Variants in ISX observed in about 807,000 individuals in gnomAD.
ISX encodes the protein intestine-specific homeobox.
ISX carries 15 observed loss-of-function variants against 16.9 expected under a neutral mutation model. That is an observed-to-expected ratio of 0.89 (90% CI 0.59 to 1.36). The LOEUF is 1.36. ISX is among the 40% of genes most tolerant of loss of function. The probability of loss-of-function intolerance (pLI) is 0.00; values close to 1 mark genes in which losing one functional copy is unlikely to be tolerated. For missense variants in ISX, 316 were observed against 306.1 expected, an observed-to-expected ratio of 1.03 and a Z score of -0.24; for synonymous variants, 125 against 119.7, an observed-to-expected ratio of 1.04 and a Z score of -0.29.
At chr22:35,069,975 TG>T (rs1928807069) in intron 2 of ISX, among the ~76,000 whole-genome samples, 6 of 152,196 alleles carry the variant, frequency 3.9e-5, no homozygotes, top group Admixed American at 3.9e-4. Flanking sequence ...CCCAGGAATC[TG>T]CATTCTAACA....
chr22:35,083,406 C>T (rs1173982053), intron 3 of ISX, among the ~76,000 whole-genome samples: 2 of 152,208 alleles, frequency 1.3e-5, no homozygotes, highest in Non-Finnish European at 2.9e-5. Context: ...TAAGCACCAA[C>T]AGGCTAATCT....
At chr22:35,082,135 C>T (rs183003192) in intron 2 of ISX, among the ~76,000 whole-genome samples, 13 of 152,366 alleles carry the variant, frequency 8.5e-5, no homozygotes, top group African/African-American at 2.6e-4. Context: ...AGAGACAATA[C>T]GTAAACCAAA....
intron 4 of ISX, 23 bp downstream of exon 4, chr22:35,084,522 T>G (rs766679394): frequency 6.7e-7 from 1 of 1,500,640 alleles, no homozygotes; most frequent in Non-Finnish European, 9.2e-7. Flanking sequence ...GGCCTCAAGG[T>G]AGGGTGGAGG....
At chr22:35,081,439 A>G (rs923290468) in intron 2 of ISX, among the ~76,000 whole-genome samples, 1 of 152,186 alleles carries the variant, frequency 6.6e-6, no homozygotes, top group East Asian at 1.9e-4. Flanking sequence ...CACCATCTTG[A>G]AATCTTAGTA....
chr22:35,077,304 T>G (rs1929008654), intron 2 of ISX, among the ~76,000 whole-genome samples: 1 of 152,196 alleles, frequency 6.6e-6, no homozygotes, highest in Non-Finnish European at 1.5e-5. Context: ...TTCTCCCACC[T>G]TGTTCCCTTA....
chr22:35,079,372 G>A (rs1929067175), intron 2 of ISX, among the ~76,000 whole-genome samples: 1 of 152,110 alleles, frequency 6.6e-6, no homozygotes, highest in East Asian at 1.9e-4. Flanking sequence ...CGAATCCTGT[G>A]GAAGTCTTTT....
At chr22:35,074,741 G>A (rs1284534211) in intron 2 of ISX, among the ~76,000 whole-genome samples, 5 of 152,184 alleles carry the variant, frequency 3.3e-5, no homozygotes, top group Non-Finnish European at 7.3e-5. Context: ...CAAGTTCTAG[G>A]ACACTTCCTG....
intron 1 of ISX, 136 bp from the exon 2 acceptor site, chr22:35,066,616 A>C (rs1323687647): frequency 6.2e-6 from 1 of 162,408 alleles, no homozygotes; most frequent in Non-Finnish European, 1.4e-5. Context: ...CTAGAGCCAC[A>C]GGAAAGGGCC....
Position 35,085,664 on chromosome 22 carries a change from T to C in ISX, c.709T>C (p.Trp237Arg). ...LCILPPPHPK[W>R]GSICATST Reference sequence around the variant, plus strand: ...CATCCTTCCACCTCCACACCCCAAATGGGGCAGCATCTGTGCTACTTCAAC... The same window carrying C: ...CATCCTTCCACCTCCACACCCCAAACGGGGCAGCATCTGTGCTACTTCAAC... Residue 237 changes from tryptophan (W) to arginine (R), a missense_variant, in exon 5 of 5, where the codon TGG (tryptophan) becomes CGG (arginine). Coordinates refer to ENST00000404699, the MANE Select transcript of ISX (RefSeq NM_001303508.2). 6.2e-7 allele frequency: 1 copy of C among 1,614,174 alleles called. No homozygotes were observed. Among genetic ancestry groups the C allele is most frequent in the South Asian group, 1.1e-5 (1 of 91,080 alleles).
At position 35,084,386 on chromosome 22, in the gene ISX, T is replaced by C; in HGVS notation, c.385T>C (p.Trp129Arg). 2 of 1,612,290 alleles carry C rather than the reference T, an allele frequency of 1.2e-6. No individual in the cohort carries two copies. The highest frequency in any genetic ancestry group is 4.5e-5 in the East Asian group (2 of 44,862). ...CGTCCTTTCTCCCTGATTACAGATC[T>C]GGTTCCAGAATCAGCGAGCCAAGTG... is the stretch of plus-strand genomic sequence containing the variant. The part of the protein sequence containing the change: ...INLPEARVQI[W>R]FQNQRAKWRK... Residue 129 changes from tryptophan (W) to arginine (R), a missense_variant, in exon 4 of 5, where the codon TGG (tryptophan) becomes CGG (arginine). By Grantham distance (101) the Trp-to-Arg change is moderately radical. Transcript: ENST00000404699.
intron 2 of ISX, among the ~76,000 whole-genome samples, chr22:35,068,499 C>G (rs1261300942): frequency 6.6e-6 from 1 of 152,200 alleles, no homozygotes; most frequent in African/African-American, 2.4e-5. Context: ...TTTGGAAGTT[C>G]ATTAATATCT....
At chr22:35,068,152 G>A (rs970307040) in intron 2 of ISX, among the ~76,000 whole-genome samples, 1 of 152,244 alleles carries the variant, frequency 6.6e-6, no homozygotes, top group Non-Finnish European at 1.5e-5. Flanking sequence ...AAGAAATGGT[G>A]AAGCTGGCGA....
At chr22:35,082,170 C>T (rs1231671266) in intron 2 of ISX, among the ~76,000 whole-genome samples, 2 of 152,270 alleles carry the variant, frequency 1.3e-5, no homozygotes, top group African/African-American at 4.8e-5. Context: ...TCTAATAAAA[C>T]TTTATTTAAA....
intron 2 of ISX, among the ~76,000 whole-genome samples, chr22:35,081,067 G>T (rs943264511): frequency 4.6e-5 from 7 of 152,228 alleles, no homozygotes; most frequent in Non-Finnish European, 7.3e-5. Flanking sequence ...GATAAAGCTA[G>T]CAAGTGGAAT....
chr22:35,079,768 G>T (rs1245576285), intron 2 of ISX, among the ~76,000 whole-genome samples: 1 of 152,170 alleles, frequency 6.6e-6, no homozygotes, highest in African/African-American at 2.4e-5. Context: ...GATCTGGGGA[G>T]AGGGTTTGTG....
intron 2 of ISX, among the ~76,000 whole-genome samples, chr22:35,073,087 G>A (rs543473395): frequency 4.1e-4 from 62 of 152,272 alleles, no homozygotes; most frequent in African/African-American, 1.2e-3. Context: ...AAAGTAAACA[G>A]TCCTCGAGGG....
intron 4 of ISX, among the ~76,000 whole-genome samples, chr22:35,084,939 A>G (rs1047275013): frequency 6.6e-6 from 1 of 152,162 alleles, no homozygotes; most frequent in Non-Finnish European, 1.5e-5. Flanking sequence ...ACTGAGATGT[A>G]GAGGATGCTT....
chr22:35,071,467 T>C (rs1928851618), intron 2 of ISX, among the ~76,000 whole-genome samples: 1 of 152,220 alleles, frequency 6.6e-6, no homozygotes, highest in Non-Finnish European at 1.5e-5. Context: ...CCAGCAACCC[T>C]TATTCTTCTT....
At position 35,084,452 on chromosome 22, in the gene ISX, C is replaced by A; in HGVS notation, c.451C>A (p.Gln151Lys). 5.6e-6 allele frequency: 9 copies of A among 1,613,580 alleles called. No homozygotes were observed. The highest frequency in any genetic ancestry group is 7.6e-6 in the Non-Finnish European group (9 of 1,179,718). The change falls in exon 4 of 5, where the codon CAG becomes AAG. Residue 151 changes from glutamine to lysine, a missense_variant. Transcript: ENST00000404699. The stretch of plus-strand genomic sequence containing the variant: ...GATTGGCAACCTGGGGGCTCCACAG[C>A]AGCTGAGTGAAGCCAGTGTGGCCCT... The part of the protein sequence containing the change: ...EKIGNLGAPQ[Q>K]LSEASVALPT...
Sources: gnomAD v4.1 joint callset for allele counts (sites outside exome capture counted in the v4.1 genomes callset) on GRCh38, gnomAD v4.1.1 for gene constraint, MANE v1.5 for transcripts, NCBI Gene and HGNC (gene_info 2026-07-23, HGNC 2026-07-21) for gene names.